Variants in MCF2L observed in about 807,000 individuals in gnomAD.
MCF2L encodes MCF.2 cell line derived transforming sequence like.
MCF2L carries 97 observed loss-of-function variants against 153.4 expected under a neutral mutation model. That is an observed-to-expected ratio of 0.63 (90% CI 0.54 to 0.75). The LOEUF is 0.75. Among genes scored for constraint, MCF2L ranks in the 30% least tolerant of loss-of-function variants. MCF2L has a pLI of 0.00. For missense variants in MCF2L, 1,347 were observed against 1,495.2 expected (o/e 0.90, Z 1.64); for synonymous variants, 659 against 632.2 (o/e 1.04, Z -0.64).
rs139449890 is a variant in MCF2L at position 113,087,727 on chromosome 13, G to A, written c.2616G>A (p.Thr872=). 2.0e-4 allele frequency: 318 copies of A among 1,614,036 alleles called. 1 individual carries two copies. Among genetic ancestry groups the A allele is most frequent in the East Asian group, 8.9e-4 (40 of 44,878 alleles). Reference sequence around the variant, plus strand: ...CGCAGATGGCTGCCGTTGGCATTACGGAGAACGTGAAGGGAGATGCTAAGA... The same window carrying A: ...CGCAGATGGCTGCCGTTGGCATTACAGAGAACGTGAAGGGAGATGCTAAGA... ...QSLNMAAVGI[T]ENVKGDAKKF... Residue 872 remains threonine (T), a synonymous_variant, in exon 23 of 30, where the codon ACG becomes ACA. Transcript: ENST00000535094.
chr13:112,982,617 T>A (rs1026657383), intron 1 of MCF2L, among the ~76,000 whole-genome samples: 1 of 152,056 alleles, frequency 6.6e-6, no homozygotes, highest in Non-Finnish European at 1.5e-5. Flanking sequence ...GCGTCACAGC[T>A]GTGCCGAGAG....
At chr13:112,981,189 G>A (rs919371010) in intron 1 of MCF2L, among the ~76,000 whole-genome samples, 1 of 151,796 alleles carries the variant, frequency 6.6e-6, no homozygotes, top group South Asian at 2.1e-4. Flanking sequence ...ACCCCGACAC[G>A]TCCCCTTCCT....
At chr13:113,033,378 C>A (rs112103696) in intron 3 of MCF2L, among the ~76,000 whole-genome samples, 11 of 94,060 alleles carry the variant, frequency 1.2e-4, no homozygotes, top group African/African-American at 3.6e-4. Context: ...GCCCCCGTGA[C>A]GTGAGTGGCC....
At chr13:113,012,804 GGA>G in intron 1 of MCF2L, among the ~76,000 whole-genome samples, 1 of 105,198 alleles carries the variant, frequency 9.5e-6, no homozygotes, top group Non-Finnish European at 2.1e-5. Flanking sequence ...TGCGGACGGT[GGA>G]CAGGCGGTGT....
chr13:113,006,235 G>A (rs553040113), intron 1 of MCF2L, among the ~76,000 whole-genome samples: 13 of 152,246 alleles, frequency 8.5e-5, no homozygotes, highest in South Asian at 4.1e-4. Flanking sequence ...GGTCCCAGGC[G>A]CTGGAGCAGA....
At chr13:113,012,657 C>T (rs1322520448) in intron 1 of MCF2L, among the ~76,000 whole-genome samples, 3 of 92,796 alleles carry the variant, frequency 3.2e-5, no homozygotes, top group Admixed American at 1.1e-4. Context: ...GTGATGCGGA[C>T]GGTGGACAGG....
At chr13:113,002,550 C>T (rs1197752305) in intron 1 of MCF2L, among the ~76,000 whole-genome samples, 2 of 152,188 alleles carry the variant, frequency 1.3e-5, no homozygotes, top group East Asian at 3.9e-4. Flanking sequence ...GCTGGGCGGC[C>T]TCTGTGGTCT....
intron 1 of MCF2L, among the ~76,000 whole-genome samples, chr13:112,979,118 C>T (rs937630325): frequency 6.6e-6 from 1 of 152,238 alleles, no homozygotes; most frequent in East Asian, 1.9e-4. Context: ...CGGCAGCAGA[C>T]GGGAGCCACA....
intron 2 of MCF2L, among the ~76,000 whole-genome samples, chr13:112,920,943 G>A (rs968148738): frequency 1.1e-4 from 16 of 152,028 alleles, no homozygotes; most frequent in African/African-American, 1.9e-4. Context: ...CGAGGCAGGC[G>A]GATCACGAGG....
At chr13:113,086,310 C>G (rs2034632401) in intron 21 of MCF2L, 61 bp downstream of exon 21, 29 of 1,590,364 alleles carry the variant, frequency 1.8e-5, no homozygotes, top group Non-Finnish European at 2.5e-5. Context: ...AGCCCAGCAA[C>G]TTGGCGGCCT....
At chr13:112,994,697 AG>A (rs1195766770) in intron 1 of MCF2L, among the ~76,000 whole-genome samples, 1 of 152,076 alleles carries the variant, frequency 6.6e-6, no homozygotes, top group Non-Finnish European at 1.5e-5. Flanking sequence ...TCCAGCCCCG[AG>A]GGTGGGGCAT....
At position 113,064,635 on chromosome 13, in the gene MCF2L, G is replaced by GA; in HGVS notation, c.606+216dup. 1 of 501,094 alleles carries GA rather than the reference G, an allele frequency of 2.0e-6. No homozygotes were observed. The highest frequency in any genetic ancestry group is 3.5e-6 in the Non-Finnish European group (1 of 285,614). The allele number at this position is 501,094 out of a possible 1,614,324, so 31.0% of individuals were successfully genotyped here. On this transcript the variant is annotated intron_variant, in intron 6 of 29. Transcript: ENST00000535094. This position sits in a 1 kb window ranked among gnomAD's most constrained non-coding sequence, Gnocchi z 6.0. Reference sequence around the variant, plus strand: ...GGGAGTGGCTTTCTCTGGGCTTGGAGACCAAAAAAAAAAAAAAAACCCTTG... The same window carrying GA: ...GGGAGTGGCTTTCTCTGGGCTTGGAGAACCAAAAAAAAAAAAAAAACCCTTG...
At chr13:112,936,295 A>G (rs1156286221) in intron 2 of MCF2L, among the ~76,000 whole-genome samples, 1 of 151,320 alleles carries the variant, frequency 6.6e-6, no homozygotes, top group Non-Finnish European at 1.5e-5. Context: ...AAAAAAAAAA[A>G]AAAAAAAAGA....
At chr13:113,077,889 G>T (rs1200834114) in intron 13 of MCF2L, among the ~76,000 whole-genome samples, 1 of 152,206 alleles carries the variant, frequency 6.6e-6, no homozygotes, top group Non-Finnish European at 1.5e-5. Context: ...GGCCCCGGGG[G>T]CCAGGCTCTT....
At chr13:113,060,122 G>T (rs926241787) in intron 4 of MCF2L, among the ~76,000 whole-genome samples, 10 of 152,186 alleles carry the variant, frequency 6.6e-5, no homozygotes, top group Admixed American at 5.9e-4. Flanking sequence ...GGTCTCCCTG[G>T]GTGTGGAAGC....
chr13:113,090,430 T>TGGGGCGGG, intron 26 of MCF2L: 1 of 975,340 alleles, frequency 1.0e-6, no homozygotes, highest in Non-Finnish European at 1.2e-6. Flanking sequence ...CCCTCCTTCC[T>TGGGGCGGG]CTCCCTGCCC....
intron 3 of MCF2L, among the ~76,000 whole-genome samples, chr13:113,037,775 C>A (rs1247520152): frequency 6.6e-6 from 1 of 152,202 alleles, no homozygotes; most frequent in Non-Finnish European, 1.5e-5. Flanking sequence ...CCGCTGAGGT[C>A]AGGAACACTG....
chr13:113,064,869 G>C lies in MCF2L; in HGVS notation c.607-67G>C. 6.5e-7 allele frequency: 1 copy of C among 1,550,170 alleles called. No individual in the cohort carries two copies. ...GTGGGAACGGTTTCCGCCGGTGTCT[G>C]CTTTCAGGGCAGCAGGAGGTGGGTG... On this transcript the variant is annotated intron_variant, in intron 6 of 29. Coordinates refer to ENST00000535094, the MANE Select transcript of MCF2L (RefSeq NM_001112732.3). This position sits in a 1 kb window ranked among gnomAD's most constrained non-coding sequence, Gnocchi z 6.0.
intron 1 of MCF2L, among the ~76,000 whole-genome samples, chr13:112,973,519 G>A (rs568068139): frequency 1.1e-4 from 17 of 152,310 alleles, no homozygotes; most frequent in African/African-American, 4.1e-4. Context: ...GAGCATCCTT[G>A]GTGTCCTGTG....
Sources: allele counts gnomAD v4.1 joint callset (sites outside exome capture counted in the v4.1 genomes callset), GRCh38; gene constraint gnomAD v4.1.1; non-coding constraint Gnocchi (gnomAD v3.1); transcripts MANE v1.5; gene names NCBI Gene and HGNC (gene_info 2026-07-23, HGNC 2026-07-21).